The following TAF5L variants were observed in gnomAD, a reference collection of about 807,000 sequenced individuals.
TAF5L encodes TATA-box binding protein associated factor 5 like, also known as TAF5-like RNA polymerase II p300/CBP-associated factor-associated factor 65 kDa subunit 5L.
A neutral mutation model predicts 51.3 loss-of-function variants in TAF5L; 7 were observed. That is an observed-to-expected ratio of 0.14 (90% confidence interval 0.08 to 0.26). The LOEUF (loss-of-function observed/expected upper bound fraction) is 0.26. Among genes scored for constraint, TAF5L ranks in the 10% least tolerant of loss-of-function variants. The probability of loss-of-function intolerance (pLI) is 1.00; values close to 1 mark genes in which losing one functional copy is unlikely to be tolerated. For synonymous variants in TAF5L, 291 were observed against 308.1 expected (o/e 0.94, Z 0.58); for missense variants, 575 against 758.9 (o/e 0.76, Z 2.85).
At chr1:229,623,045 G>A (rs1242366105) in intron 1 of TAF5L, among the ~76,000 whole-genome samples, 1 of 152,196 alleles carries the variant, frequency 6.6e-6, no homozygotes, top group Non-Finnish European at 1.5e-5. Context: ...GGGAGGCTGA[G>A]GTGGGTGGAT....
At chr1:229,613,596 T>G (rs891650712) in intron 2 of TAF5L, among the ~76,000 whole-genome samples, 2 of 152,166 alleles carry the variant, frequency 1.3e-5, no homozygotes, top group African/African-American at 4.8e-5. Flanking sequence ...TAGGCTGTAT[T>G]AGGAATTATA....
intron 4 of TAF5L, among the ~76,000 whole-genome samples, chr1:229,598,759 C>T (rs543111014): frequency 2.1e-4 from 32 of 149,088 alleles, no homozygotes; most frequent in African/African-American, 3.5e-4. Context: ...AGTGCAGTGG[C>T]GCGGTCTCAG....
chr1:229,594,879 G>C lies in TAF5L; in HGVS notation c.1188C>G (p.Ser396Arg). ...CGTGGGACCCGCTGGCGAAGTACAG[G>C]CTATATGGACTGATGTCCAGATCCC... The change falls in exon 5 of 5, where the codon AGC becomes AGG. Residue 396 changes from serine (S) to arginine (R), a missense_variant. Physicochemically the swap from Ser to Arg is moderately radical, Grantham distance 110 (BLOSUM62 -1). Transcript: ENST00000258281. The surrounding 1 kb of genome is among the most constrained non-coding windows in gnomAD (Gnocchi z 7.9). The C allele has an allele frequency of 6.2e-7, 1 of 1,614,194 alleles. No homozygotes were observed. Among genetic ancestry groups the C allele is most frequent in the South Asian group, 1.1e-5 (1 of 91,088 alleles).
chr1:229,623,219 A>G (rs1665289422), intron 1 of TAF5L, among the ~76,000 whole-genome samples: 1 of 152,266 alleles, frequency 6.6e-6, no homozygotes, highest in Admixed American at 6.5e-5. Flanking sequence ...GGTTGCAGTG[A>G]GCCAAGATCA....
At chr1:229,600,741 A>C in intron 4 of TAF5L, 3 of 985,470 alleles carry the variant, frequency 3.0e-6, no homozygotes, top group African/African-American at 1.7e-5. Context: ...GATACCCGGA[A>C]ATAAACATAG....
At chr1:229,622,516 C>A (rs1665249061) in intron 1 of TAF5L, among the ~76,000 whole-genome samples, 1 of 152,200 alleles carries the variant, frequency 6.6e-6, no homozygotes, top group South Asian at 2.1e-4. Flanking sequence ...ATGCCCAACT[C>A]TACTACCATT....
chr1:229,604,761 A>G (rs1664519385), intron 3 of TAF5L, among the ~76,000 whole-genome samples: 1 of 152,216 alleles, frequency 6.6e-6, no homozygotes, highest in Non-Finnish European at 1.5e-5. Context: ...TAGTGGAAAG[A>G]GGCAACCATG....
chr1:229,594,076 A>T lies in TAF5L; in HGVS notation c.*221T>A. 1.8e-6 allele frequency: 1 copy of T among 541,182 alleles called. No homozygotes were observed. Among genetic ancestry groups the T allele is most frequent in the Non-Finnish European group, 3.4e-6 (1 of 298,360 alleles). The allele number at this position is 541,182 out of a possible 1,614,324, so 33.5% of individuals were successfully genotyped here. A position where few individuals can be genotyped will look rare whatever the true frequency, so the allele number is the denominator to read the frequency against. ...TTGTGAGTGACCTCCAGGGCACTCT[A>T]ATTCTTGATCACTCATCATTGCCTC... On this transcript the variant is annotated 3_prime_UTR_variant, in exon 5 of 5. Coordinates refer to ENST00000258281, the Ensembl canonical transcript of TAF5L. This position sits in a 1 kb window ranked among gnomAD's most constrained non-coding sequence, Gnocchi z 7.9.
intron 3 of TAF5L, among the ~76,000 whole-genome samples, chr1:229,609,688 G>A (rs1184491801): frequency 6.6e-6 from 1 of 152,194 alleles, no homozygotes; most frequent in Non-Finnish European, 1.5e-5. Flanking sequence ...TATTAGTAGA[G>A]ATGTCATGTA....
chr1:229,612,153 A>G (rs1441465661), intron 2 of TAF5L, among the ~76,000 whole-genome samples: 1 of 152,254 alleles, frequency 6.6e-6, no homozygotes, highest in Non-Finnish European at 1.5e-5. Context: ...CTGCTGAAAA[A>G]AGAATTCTTC....
At chr1:229,614,583 G>C in intron 1 of TAF5L, 98 bp from the exon 2 acceptor site, 1 of 1,491,730 alleles carries the variant, frequency 6.7e-7, no homozygotes, top group Non-Finnish European at 9.1e-7. Context: ...ACATGGGAGA[G>C]AAAGACCAGC....
chr1:229,597,502 A>T (rs1163759477), intron 4 of TAF5L, among the ~76,000 whole-genome samples: 1 of 152,202 alleles, frequency 6.6e-6, no homozygotes, highest in Non-Finnish European at 1.5e-5. Context: ...CCACAGCTTA[A>T]AATAACCCAG....
intron 4 of TAF5L, chr1:229,599,427 C>T (rs1003712944): frequency 3.6e-5 from 6 of 166,368 alleles, no homozygotes; most frequent in Admixed American, 1.3e-4. Context: ...ATGCCACACC[C>T]ATTAGCGGTC....
intron 1 of TAF5L, among the ~76,000 whole-genome samples, chr1:229,623,814 A>G (rs559599188): frequency 5.4e-4 from 82 of 152,350 alleles, no homozygotes; most frequent in African/African-American, 1.9e-3. Flanking sequence ...ACACAGTGCC[A>G]GGATGGGAAC....
At chr1:229,615,598 TAAAAA>T (rs1289828064) in intron 1 of TAF5L, among the ~76,000 whole-genome samples, 1 of 135,716 alleles carries the variant, frequency 7.4e-6, no homozygotes, top group Non-Finnish European at 1.6e-5. Context: ...TTCACAAAAA[TAAAAA>T]GAAAAGGGAA....
Position 229,609,988 on chromosome 1 carries a change from T to A in TAF5L, c.247+118A>T, listed in dbSNP as rs997427818. On this transcript the variant is annotated intron_variant, in intron 3 of 4. Coordinates refer to ENST00000258281, the Ensembl canonical transcript of TAF5L. ...GGGAAATCTGCATTACTCTATTTTT[T>A]AATTTTTCTTTTTACCGCTCCTTGT... 1.0e-5 allele frequency: 8 copies of A among 771,288 alleles called. No individual in the cohort carries two copies. The Admixed American group carries it at 2.3e-4, about 22-fold the overall frequency. The allele number at this position is 771,288 out of a possible 1,614,324, so 47.8% of individuals were successfully genotyped here.
intron 1 of TAF5L, among the ~76,000 whole-genome samples, chr1:229,622,247 C>T (rs1229856742): frequency 6.6e-6 from 1 of 151,198 alleles, no homozygotes; most frequent in Non-Finnish European, 1.5e-5. Flanking sequence ...GAATAAATAT[C>T]CCAAACTAGC....
At chr1:229,623,786 C>T (rs1665314554) in intron 1 of TAF5L, among the ~76,000 whole-genome samples, 1 of 152,202 alleles carries the variant, frequency 6.6e-6, no homozygotes, top group South Asian at 2.1e-4. Context: ...GATGGGAAAG[C>T]TGAGGCGCAA....
intron 3 of TAF5L, among the ~76,000 whole-genome samples, chr1:229,608,699 G>C (rs1294979009): frequency 6.6e-6 from 1 of 152,166 alleles, no homozygotes; most frequent in Non-Finnish European, 1.5e-5. Context: ...TGGGGAAGCT[G>C]GTTTAGAAAC....
Sources: gnomAD v4.1 joint callset for allele counts (sites outside exome capture counted in the v4.1 genomes callset) on GRCh38, gnomAD v4.1.1 for gene constraint, Gnocchi (gnomAD v3.1) non-coding constraint, MANE v1.5 for transcripts, NCBI Gene and HGNC (gene_info 2026-07-23, HGNC 2026-07-21) for gene names.